The following SLC11A2 variants were observed in gnomAD, a reference collection of about 807,000 sequenced individuals.
SLC11A2 encodes the protein solute carrier family 11 member 2, also known as natural resistance-associated macrophage protein 2.
Under a neutral mutation model 68.0 loss-of-function variants are expected in SLC11A2, and 38 were observed. The observed-to-expected ratio is 0.56, with a 90% CI of 0.43 to 0.73. SLC11A2 has a LOEUF of 0.73. Ranked by LOEUF, SLC11A2 falls within the 30% of genes least tolerant of loss-of-function variation. The probability of loss-of-function intolerance (pLI) is 0.00; values close to 1 mark genes in which losing one functional copy is unlikely to be tolerated. For synonymous variants in SLC11A2, 242 were observed against 250.6 expected (o/e 0.97, Z 0.32); for missense variants, 517 against 690.5 (o/e 0.75, Z 2.82).
chr12:51,002,168 C>G (rs1334050319), intron 5 of SLC11A2, among the ~76,000 whole-genome samples: 2 of 152,006 alleles, frequency 1.3e-5, no homozygotes, highest in East Asian at 3.9e-4. Context: ...GGCAACATGG[C>G]AAAACCCTGT....
At chr12:50,966,188 T>C in the SLC11A2 span, among the ~76,000 whole-genome samples, 8 of 152,092 alleles carry the variant, frequency 5.3e-5, no homozygotes, top group African/African-American at 1.4e-4. Context: ...ATCATCCCCA[T>C]TGAATTTAGG....
the SLC11A2 span, among the ~76,000 whole-genome samples, chr12:50,956,041 GA>G: frequency 6.6e-6 from 1 of 152,176 alleles, no homozygotes; most frequent in Non-Finnish European, 1.5e-5. Flanking sequence ...AGTAAGAACA[GA>G]ACTTTCATTT....
At chr12:50,968,821 C>T in the SLC11A2 span, among the ~76,000 whole-genome samples, 2,416 of 151,890 alleles carry the variant, frequency 0.016, 61 homozygotes, top group African/African-American at 0.055. Context: ...GGATTACAGG[C>T]ATGAGCCACC....
chr12:51,009,691 C>T (rs1178827022), intron 2 of SLC11A2, among the ~76,000 whole-genome samples: 1 of 152,174 alleles, frequency 6.6e-6, no homozygotes, highest in Non-Finnish European at 1.5e-5. Context: ...GTAAGGTACT[C>T]GCCCTGTATT....
upstream of SLC11A2, chr12:51,026,525 C>A: frequency 2.5e-6 from 1 of 401,684 alleles, no homozygotes; most frequent in Non-Finnish European, 4.2e-6. Flanking sequence ...CTGGATGCGG[C>A]GGCCCCTGGG....
In SLC11A2 at chr12:50,999,171, T is replaced by G; in HGVS notation, c.675+3A>C. 1 of 1,606,250 alleles carries G rather than the reference T, an allele frequency of 6.2e-7. No homozygotes were observed. Among genetic ancestry groups the G allele is most frequent in the Non-Finnish European group, 8.5e-7 (1 of 1,173,226 alleles). ...AAGCTAATGAATATCCTGTACCACT[T>G]GCCTCATATCCAAATGTGAGGGCCA... On this transcript the variant is annotated splice_donor_region_variant and intron_variant, in intron 8 of 15. Transcript: ENST00000262052.
At chr12:51,024,357 T>G (rs1394276581) in intron 1 of SLC11A2, 1 of 152,154 alleles carries the variant, frequency 6.6e-6, no homozygotes, top group Non-Finnish European at 1.5e-5. Flanking sequence ...TCAACAACAC[T>G]CACCCAAATT....
At chr12:50,955,625 CTAAG>C in the SLC11A2 span, among the ~76,000 whole-genome samples, 4 of 152,158 alleles carry the variant, frequency 2.6e-5, no homozygotes, top group Non-Finnish European at 4.4e-5. Context: ...TAGCAACTTC[CTAAG>C]TGTCATTATT....
At chr12:51,000,603 G>A (rs1942117558) in intron 5 of SLC11A2, 184 bp from the exon 6 acceptor site, 1 of 624,360 alleles carries the variant, frequency 1.6e-6, no homozygotes, top group Middle Eastern at 3.4e-4. Flanking sequence ...CTCACCTGGA[G>A]AAGGAAAAGT....
chr12:51,005,934 A>G, intron 3 of SLC11A2: 1 of 332,714 alleles, frequency 3.0e-6, no homozygotes, highest in Non-Finnish European at 5.9e-6. Flanking sequence ...GATGGGAGGG[A>G]GGGGTCAGAC....
the SLC11A2 span, among the ~76,000 whole-genome samples, chr12:50,965,061 C>A: frequency 1.1e-4 from 17 of 152,266 alleles, no homozygotes; most frequent in East Asian, 3.3e-3. Context: ...TGGCACTAAT[C>A]TCTACAATCC....
the SLC11A2 span, among the ~76,000 whole-genome samples, chr12:50,957,207 CT>C: frequency 2.7e-5 from 4 of 146,714 alleles, no homozygotes; most frequent in African/African-American, 7.4e-5. Context: ...AAATTACTTG[CT>C]TTTTTTTCTT....
At chr12:50,964,864 T>C in the SLC11A2 span, among the ~76,000 whole-genome samples, 1 of 152,314 alleles carries the variant, frequency 6.6e-6, no homozygotes, top group African/African-American at 2.4e-5. Flanking sequence ...TAAATGGGGA[T>C]GTTTTAGGAA....
At chr12:51,025,345 C>A (rs1427490283) in intron 1 of SLC11A2, among the ~76,000 whole-genome samples, 3 of 152,200 alleles carry the variant, frequency 2.0e-5, no homozygotes, top group Admixed American at 2.0e-4. Flanking sequence ...ACCAACAACC[C>A]TGTAAGACTG....
chr12:50,971,171 C>T, the SLC11A2 span, among the ~76,000 whole-genome samples: 3 of 149,906 alleles, frequency 2.0e-5, no homozygotes, highest in East Asian at 1.9e-4. Flanking sequence ...TGAGCCACGG[C>T]GCCGAGCCAC....
chr12:51,025,962 A>G, intron 1 of SLC11A2: 12 of 1,005,170 alleles, frequency 1.2e-5, no homozygotes, highest in Non-Finnish European at 1.4e-5. Context: ...CGAGGCGTCG[A>G]AGCAGGTCAG....
At position 50,991,598 on chromosome 12, in the gene SLC11A2, C is replaced by G. The variant is rs1941155838; in HGVS notation, c.1421+1G>C. The G allele has an allele frequency of 6.2e-7, 1 of 1,613,078 alleles. No individual in the cohort carries two copies. The highest frequency in any genetic ancestry group is 1.3e-5 in the African/African-American group (1 of 74,898). Reference sequence around the variant, plus strand: ...TTGGGAACGAAGAGGAGTACACTCACAGTCCATTGGCAAAGTCACTCATTA... The same window carrying G: ...TTGGGAACGAAGAGGAGTACACTCAGAGTCCATTGGCAAAGTCACTCATTA... On this transcript the variant is annotated splice_donor_variant, in intron 14 of 15. Transcript: ENST00000262052. LOFTEE classifies it high-confidence loss of function.
chr12:50,956,729 G>A, the SLC11A2 span, among the ~76,000 whole-genome samples: 2 of 152,274 alleles, frequency 1.3e-5, no homozygotes, highest in East Asian at 3.9e-4. Flanking sequence ...AGCAATGGCA[G>A]TTTTTCTTCT....
the SLC11A2 span, among the ~76,000 whole-genome samples, chr12:50,952,641 G>A: frequency 1.3e-5 from 2 of 152,212 alleles, no homozygotes; most frequent in African/African-American, 4.8e-5. Flanking sequence ...GTGCAGCAAC[G>A]TCACGTCTTT....
Sources: allele counts gnomAD v4.1 joint callset (sites outside exome capture counted in the v4.1 genomes callset), GRCh38; gene constraint gnomAD v4.1.1; transcripts MANE v1.5; gene names NCBI Gene and HGNC (gene_info 2026-07-23, HGNC 2026-07-21).